MTMR1: variants seen among roughly 807,000 people sequenced by gnomAD.
The protein encoded by MTMR1 is myotubularin related protein 1, also known as phosphatidylinositol-3-phosphate phosphatase MTMR1.
In MTMR1, 17 loss-of-function variants were observed where a neutral mutation model predicts 51.6. The observed-to-expected ratio is 0.33, with a 90% CI of 0.23 to 0.49. The LOEUF (loss-of-function observed/expected upper bound fraction) is 0.49. MTMR1 is among the 20% of genes least tolerant of loss of function. MTMR1 has a pLI of 0.99. For synonymous variants in MTMR1, 201 were observed against 205.6 expected, an observed-to-expected ratio of 0.98 and a Z score of 0.19; for missense variants, 386 against 526.9, an observed-to-expected ratio of 0.73 and a Z score of 2.62.
At chrX:150,757,942 A>G (rs1364631450) in intron 15 of MTMR1, among the ~76,000 whole-genome samples, 2 of 110,623 alleles carry the variant, frequency 1.8e-5, no homozygotes, top group Non-Finnish European at 3.8e-5. Context: ...TCCCCAAGAC[A>G]CTCGATACTG....
intron 3 of MTMR1, chrX:150,712,937 A>G (rs1557416266): frequency 3.2e-6 from 3 of 936,108 alleles, no homozygotes; most frequent in African/African-American, 4.2e-5. Context: ...CCTTCCCTTT[A>G]TTTCAGAACA....
At chrX:150,716,128 A>G (rs2041504617) in intron 3 of MTMR1, among the ~76,000 whole-genome samples, 1 of 112,909 alleles carries the variant, frequency 8.9e-6, no homozygotes, top group South Asian at 3.6e-4. Context: ...ATATTTCAAA[A>G]TAATCTATTT....
rs2043248202 is a variant in MTMR1 at position 150,764,827 on chromosome X, C to T, written c.*2098C>T. 3 of 112,492 alleles carry T rather than the reference C, an allele frequency of 2.7e-5. No homozygotes were observed. The highest frequency in any genetic ancestry group is 9.7e-5 in the African/African-American group (3 of 30,918). The allele number at this position is 112,492 out of a possible 1,213,427, so 9.3% of individuals were successfully genotyped here. A position where few individuals can be genotyped will look rare whatever the true frequency, so the allele number is the denominator to read the frequency against. On this transcript the variant is annotated 3_prime_UTR_variant, in exon 16 of 16. Transcript: ENST00000445323. ...AAGTAAGTGTACTAGAATGCGAAGC[C>T]GTTATGGTTCAGGTTTTTAAAAACT...
At chrX:150,707,884 T>A in intron 2 of MTMR1, among the ~76,000 whole-genome samples, 1 of 112,414 alleles carries the variant, frequency 8.9e-6, no homozygotes, top group Non-Finnish European at 1.9e-5. Context: ...TGGACTATAT[T>A]ACTCAACAAT....
At chrX:150,725,544 TG>T (rs1603251244) in intron 4 of MTMR1, among the ~76,000 whole-genome samples, 1 of 112,006 alleles carries the variant, frequency 8.9e-6, no homozygotes, top group African/African-American at 3.3e-5. Flanking sequence ...TATAATTGTT[TG>T]TTTTGTTATG....
intron 2 of MTMR1, among the ~76,000 whole-genome samples, chrX:150,702,085 T>C (rs1157169627): frequency 1.1e-5 from 1 of 92,461 alleles, no homozygotes; most frequent in Non-Finnish European, 2.2e-5. Context: ...TTCTTCTTTC[T>C]TTCTTTTTTT....
At chrX:150,755,052 C>A (rs2042865665) in intron 14 of MTMR1, among the ~76,000 whole-genome samples, 1 of 103,455 alleles carries the variant, frequency 9.7e-6, no homozygotes, top group African/African-American at 3.6e-5. Context: ...AAAGGAGTCA[C>A]AAAAGCTCTA....
intron 4 of MTMR1, among the ~76,000 whole-genome samples, chrX:150,725,138 T>A (rs1386777590): frequency 8.9e-6 from 1 of 112,462 alleles, no homozygotes; most frequent in African/African-American, 3.2e-5. Flanking sequence ...AGGAATGGCA[T>A]TGAATCTATA....
chrX:150,730,142 G>A lies in MTMR1; in HGVS notation c.589G>A (p.Glu197Lys). Residue 197 changes from glutamate (E) to lysine (K), a missense_variant, in exon 7 of 16, where the codon GAA becomes AAA. By Grantham distance (56) the Glu-to-Lys change is moderately conservative. Coordinates refer to ENST00000445323, the MANE Select transcript of MTMR1 (RefSeq NM_001306144.3). The part of the protein sequence containing the change: ...MRNLRLAYKQ[E>K]EQSKLGIFEN... ...GAACTTGCGGCTTGCTTATAAACAG[G>A]AAGAACAGAGTAAACTAGGGATATT... 1 of 1,202,777 alleles carries A rather than the reference G, an allele frequency of 8.3e-7. No homozygotes were observed. Among genetic ancestry groups the A allele is most frequent in the East Asian group, 3.0e-5 (1 of 33,435 alleles).
intron 2 of MTMR1, among the ~76,000 whole-genome samples, chrX:150,706,175 A>G (rs193037781): frequency 9.0e-6 from 1 of 111,404 alleles, no homozygotes; most frequent in African/African-American, 3.3e-5. Flanking sequence ...CCGTCTTCCT[A>G]TAAAGTCACC....
In MTMR1 at chrX:150,755,681, T is replaced by C. The variant is rs782130249; in HGVS notation, c.1681-8T>C. On this transcript the variant is annotated splice_region_variant and splice_polypyrimidine_tract_variant and intron_variant, in intron 14 of 15. Coordinates refer to ENST00000445323, the MANE Select transcript of MTMR1 (RefSeq NM_001306144.3). ...AGTTTATTTCCAATGTTCTTTTTTGTTTTTCAGGATGTATATACAAAGACG... is the reference window on the plus strand; with the variant it reads ...AGTTTATTTCCAATGTTCTTTTTTGCTTTTCAGGATGTATATACAAAGACG... 3 of 1,153,593 alleles carry C rather than the reference T, an allele frequency of 2.6e-6. No individual in the cohort carries two copies. The Admixed American group carries it at 9.0e-5, about 35-fold the overall frequency.
intron 15 of MTMR1, among the ~76,000 whole-genome samples, chrX:150,757,768 C>T (rs1409505142): frequency 8.9e-6 from 1 of 112,324 alleles, no homozygotes; most frequent in East Asian, 2.8e-4. Context: ...TGTCCCTCTC[C>T]CACTAGCCAG....
rs782236728 is a variant in MTMR1, at chrX:150,750,806, C to G, written c.1643C>G (p.Thr548Ser). Residue 548 changes from threonine to serine, a missense_variant, in exon 14 of 16, where the codon ACC (threonine) becomes AGC (serine). Coordinates refer to ENST00000445323, the MANE Select transcript of MTMR1 (RefSeq NM_001306144.3). The stretch of plus-strand genomic sequence containing the variant: ...CACCTTTATAGCTGTCTTTTTGGGA[C>G]CTTTTTGTGCAACTGTGAACAGCAG... Reference protein sequence around the residue: ...LDHLYSCLFGTFLCNCEQQRF... With the variant: ...LDHLYSCLFGSFLCNCEQQRF... 3 of 1,206,451 alleles carry G rather than the reference C, an allele frequency of 2.5e-6. No individual in the cohort carries two copies. Among genetic ancestry groups the G allele is most frequent in the Non-Finnish European group, 1.1e-6 (1 of 891,319 alleles).
intron 12 of MTMR1, among the ~76,000 whole-genome samples, chrX:150,741,813 G>T (rs1448722299): frequency 2.7e-5 from 3 of 112,384 alleles, no homozygotes; most frequent in Non-Finnish European, 5.6e-5. Context: ...TTCCCTAGGT[G>T]CCTTAAATAC....
At chrX:150,753,813 G>A (rs1478953636) in intron 14 of MTMR1, among the ~76,000 whole-genome samples, 2 of 111,926 alleles carry the variant, frequency 1.8e-5, no homozygotes, top group African/African-American at 3.2e-5. Flanking sequence ...AAGCACAAAA[G>A]TTTTTAATTT....
At chrX:150,704,720 ATGAAGTAG>A (rs1290821853) in intron 2 of MTMR1, among the ~76,000 whole-genome samples, 1 of 111,984 alleles carries the variant, frequency 8.9e-6, no homozygotes, top group Non-Finnish European at 1.9e-5. Context: ...CCTAGAAGTA[ATGAAGTAG>A]TGCTCCTCTT....
At position 150,762,819 on chromosome X, in the gene MTMR1, G is replaced by C; in HGVS notation, c.*90G>C. The C allele has an allele frequency of 1.0e-6, 1 of 1,002,074 alleles. No homozygotes were observed. The highest frequency in any genetic ancestry group is 2.7e-5 in the South Asian group (1 of 37,599). The allele number at this position is 1,002,074 out of a possible 1,213,427, so 82.6% of individuals were successfully genotyped here. A position where few individuals can be genotyped will look rare whatever the true frequency, so the allele number is the denominator to read the frequency against. ...TGTTATGGCTGTAGCTTGTGATCTT[G>C]TCTTTTAGGATTAGGCCCAGGGACC... On this transcript the variant is annotated 3_prime_UTR_variant, in exon 16 of 16. Transcript: ENST00000445323.
At chrX:150,709,929 T>A (rs963220174) in intron 2 of MTMR1, among the ~76,000 whole-genome samples, 9 of 112,380 alleles carry the variant, frequency 8.0e-5, no homozygotes, top group Admixed American at 5.6e-4. Flanking sequence ...CACAATTTGG[T>A]TCTGCAGTGG....
Position 150,710,467 on chromosome X carries a change from T to A in MTMR1, c.253-1875T>A, listed in dbSNP as rs902268585. 3.6e-5 allele frequency among the ~76,000 whole-genome samples: 4 copies of A among 111,398 alleles called. No homozygotes were observed. The Admixed American group carries it at 3.8e-4, about 11-fold the overall frequency. ...CCTCTGCCTCCCAAGTTCAAGTGAT[T>A]TTCCTGCCTCAGCCTCCCAAGTAGG... On this transcript the variant is annotated intron_variant, in intron 2 of 15. Transcript: ENST00000445323.
Sources: allele counts gnomAD v4.1 joint callset (sites outside exome capture counted in the v4.1 genomes callset), GRCh38; gene constraint gnomAD v4.1.1; transcripts MANE v1.5; gene names NCBI Gene and HGNC (gene_info 2026-07-23, HGNC 2026-07-21).